The following PPP1R9B variants were observed in gnomAD, a reference collection of about 807,000 sequenced individuals.
The protein encoded by PPP1R9B is protein phosphatase 1 regulatory subunit 9B.
A neutral mutation model predicts 75.8 loss-of-function variants in PPP1R9B; 17 were observed. The ratio of observed to expected loss-of-function variants is 0.22; its 90% CI spans 0.15 to 0.34. The LOEUF (loss-of-function observed/expected upper bound fraction) is 0.34. Ranked by LOEUF, PPP1R9B falls within the 10% of genes least tolerant of loss-of-function variation. The pLI, the probability that PPP1R9B is intolerant of heterozygous loss-of-function variation, is 1.00. For synonymous variants in PPP1R9B, 509 were observed against 535.4 expected (o/e 0.95, Z 0.68); for missense variants, 875 against 1,196.0 (o/e 0.73, Z 3.96).
chr17:50,137,863 A>G (rs1912268951), intron 7 of PPP1R9B, among the ~76,000 whole-genome samples: 1 of 152,082 alleles, frequency 6.6e-6, no homozygotes, highest in South Asian at 2.1e-4. Flanking sequence ...TCCAAGCTCC[A>G]TGGAGCTCCT....
chr17:50,133,793 G>C lies in PPP1R9B; in HGVS notation c.*1538C>G, dbSNP rs995003346. The C allele has an allele frequency of 3.3e-5, 5 of 152,242 alleles. No individual in the cohort carries two copies. Among genetic ancestry groups the C allele is most frequent in the African/African-American group, 1.2e-4 (5 of 41,448 alleles). The allele number at this position is 152,242 out of a possible 1,614,324, so 9.4% of individuals were successfully genotyped here. Reference sequence around the variant, plus strand: ...CAGAGGGCATGGTCCGTACAAAACCGGGAACAATACATACATATATATATT... The same window carrying C: ...CAGAGGGCATGGTCCGTACAAAACCCGGAACAATACATACATATATATATT... On this transcript the variant is annotated 3_prime_UTR_variant, in exon 10 of 10. Coordinates refer to ENST00000612501, the MANE Select transcript of PPP1R9B (RefSeq NM_032595.5).
rs528652304 is a variant in PPP1R9B, at chr17:50,148,771, C to A, written c.1371+372G>T. 2.5e-4 allele frequency among the ~76,000 whole-genome samples: 38 copies of A among 152,360 alleles called. No individual in the cohort carries two copies. The East Asian group carries it at 6.9e-3, about 28-fold the overall frequency. ...AATGTCTCTCCTGAAGACACACACA[C>A]CCCTTCACACTACCCAACCCCAGCC... On this transcript the variant is annotated intron_variant, in intron 1 of 9. Transcript: ENST00000612501.
At position 50,145,162 on chromosome 17, in the gene PPP1R9B, C is replaced by T; in HGVS notation, c.1455G>A (p.Leu485=). The change falls in exon 2 of 10, where the codon CTG becomes CTA. Residue 485 remains leucine, a synonymous_variant. Coordinates refer to ENST00000612501, the MANE Select transcript of PPP1R9B (RefSeq NM_032595.5). Reference sequence around the variant, plus strand: ...GCTCCAACCTCTCCACACGCTTCTCCAGCTCGTACTCAGCAGAGGCTGCCA... The same window carrying T: ...GCTCCAACCTCTCCACACGCTTCTCTAGCTCGTACTCAGCAGAGGCTGCCA... ...DPMAASAEYE[L]EKRVERLELF... The T allele has an allele frequency of 1.2e-6, 2 of 1,614,044 alleles. No homozygotes were observed. Among genetic ancestry groups the T allele is most frequent in the Non-Finnish European group, 1.7e-6 (2 of 1,179,900 alleles).
chr17:50,139,822 C>A lies in PPP1R9B; in HGVS notation c.1867-241G>T, dbSNP rs961445606. Reference sequence around the variant, plus strand: ...TCAGCCTGGGTCTCTGAAGAAACAGCCTGTACTATCTTTCCCCTTCTGGAT... The same window carrying A: ...TCAGCCTGGGTCTCTGAAGAAACAGACTGTACTATCTTTCCCCTTCTGGAT... On this transcript the variant is annotated intron_variant, in intron 5 of 9. Coordinates refer to ENST00000612501, the MANE Select transcript of PPP1R9B (RefSeq NM_032595.5). This position sits in a 1 kb window ranked among gnomAD's most constrained non-coding sequence, Gnocchi z 5.0. Among the ~76,000 whole-genome samples, 12 of 152,206 alleles carry A rather than the reference C, an allele frequency of 7.9e-5. No homozygotes were observed. Among genetic ancestry groups the A allele is most frequent in the African/African-American group, 2.4e-4 (10 of 41,448 alleles).
Position 50,139,819 on chromosome 17 carries a change from C to G in PPP1R9B, c.1867-238G>C, listed in dbSNP as rs1159929402. 6.6e-6 allele frequency among the ~76,000 whole-genome samples: 1 copy of G among 152,222 alleles called. No homozygotes were observed. The highest frequency in any genetic ancestry group is 1.5e-5 in the Non-Finnish European group (1 of 68,036). ...TCATCAGCCTGGGTCTCTGAAGAAACAGCCTGTACTATCTTTCCCCTTCTG... is the reference window on the plus strand; with the variant it reads ...TCATCAGCCTGGGTCTCTGAAGAAAGAGCCTGTACTATCTTTCCCCTTCTG... On this transcript the variant is annotated intron_variant, in intron 5 of 9. Coordinates refer to ENST00000612501, the MANE Select transcript of PPP1R9B (RefSeq NM_032595.5). This position sits in a 1 kb window ranked among gnomAD's most constrained non-coding sequence, Gnocchi z 5.0.
chr17:50,143,412 T>C (rs1052050740), intron 3 of PPP1R9B, among the ~76,000 whole-genome samples, 186 bp downstream of exon 3: 12 of 152,158 alleles, frequency 7.9e-5, no homozygotes, highest in Non-Finnish European at 1.6e-4. Context: ...CAGTGCTCAC[T>C]GTTGTATTTC....
chr17:50,144,976 C>T, intron 2 of PPP1R9B, 137 bp downstream of exon 2: 2 of 1,137,490 alleles, frequency 1.8e-6, no homozygotes, highest in Admixed American at 2.5e-5. Context: ...GGGAAGGTCA[C>T]CAAGGGCCTG....
chr17:50,150,256 C>T lies in PPP1R9B; in HGVS notation c.258G>A (p.Ala86=). The part of the protein sequence containing the change: ...GGAGLAEAPR[A]SERGVRLSLP... Reference sequence around the variant, plus strand: ...GCGACAGGCGCACGCCGCGCTCGGACGCCCGTGGGGCCTCGGCCAGGCCCG... The same window carrying T: ...GCGACAGGCGCACGCCGCGCTCGGATGCCCGTGGGGCCTCGGCCAGGCCCG... Residue 86 remains alanine (A), a synonymous_variant, in exon 1 of 10, where the codon GCG becomes GCA. Transcript: ENST00000612501. This position sits in a 1 kb window ranked among gnomAD's most constrained non-coding sequence, Gnocchi z 8.7. 1 of 1,438,012 alleles carries T rather than the reference C, an allele frequency of 7.0e-7. No homozygotes were observed. Among genetic ancestry groups the T allele is most frequent in the Non-Finnish European group, 9.2e-7 (1 of 1,088,412 alleles). 89.1% of individuals were successfully genotyped at this position (1,438,012 alleles called of 1,614,324 possible).
At chr17:50,140,468 T>A (rs771401013) in intron 4 of PPP1R9B, 192 of 576,562 alleles carry the variant, frequency 3.3e-4, no homozygotes, top group Middle Eastern at 1.4e-3. Context: ...GGAGGGAGAA[T>A]GTCAGCCCAC....
chr17:50,150,482 C>T lies in PPP1R9B; in HGVS notation c.32G>A (p.Gly11Asp). ...GTGCGGGGAGGCGCTCCGGAGGGGA[C>T]CCCCGGGCCCCCGTGGCTCCGTCTT... is the stretch of plus-strand genomic sequence containing the variant. MMKTEPRGPG[G>D]PLRSASPHRS... Residue 11 changes from glycine to aspartate, a missense_variant, in exon 1 of 10, where the codon GGT becomes GAT. By Grantham distance (94) the Gly-to-Asp change is moderately conservative (BLOSUM62 -1). Coordinates refer to ENST00000612501, the MANE Select transcript of PPP1R9B (RefSeq NM_032595.5). This position sits in a 1 kb window ranked among gnomAD's most constrained non-coding sequence, Gnocchi z 8.7. 1.5e-6 allele frequency: 2 copies of T among 1,362,154 alleles called. No homozygotes were observed. Among genetic ancestry groups the T allele is most frequent in the Non-Finnish European group, 1.9e-6 (2 of 1,053,018 alleles). The allele number at this position is 1,362,154 out of a possible 1,614,324, so 84.4% of individuals were successfully genotyped here.
At chr17:50,146,783 A>G (rs1355108566) in intron 1 of PPP1R9B, among the ~76,000 whole-genome samples, 2 of 152,168 alleles carry the variant, frequency 1.3e-5, no homozygotes, top group Non-Finnish European at 2.9e-5. Context: ...CCAAGGTCAC[A>G]TGGGTTAAAC....
intron 1 of PPP1R9B, among the ~76,000 whole-genome samples, chr17:50,148,381 A>G (rs1355285129): frequency 6.6e-6 from 1 of 152,224 alleles, no homozygotes; most frequent in African/African-American, 2.4e-5. Flanking sequence ...CACTACTGCC[A>G]GGCACCCAGG....
At chr17:50,145,276 C>T (rs774595479) in intron 1 of PPP1R9B, 31 bp from the exon 2 acceptor site, 16 of 1,610,552 alleles carry the variant, frequency 9.9e-6, no homozygotes, top group East Asian at 6.7e-5. Flanking sequence ...TCAGAGAGGC[C>T]GGCAGGAGGA....
At position 50,134,180 on chromosome 17, in the gene PPP1R9B, C is replaced by T. The variant is rs1176635128; in HGVS notation, c.*1151G>A. On this transcript the variant is annotated 3_prime_UTR_variant, in exon 10 of 10. Coordinates refer to ENST00000612501, the MANE Select transcript of PPP1R9B (RefSeq NM_032595.5). ...GGACCTGGGGGAGGTGGTCTCACCT[C>T]CCTTGGTCCAAGCCCCAATTTGGGG... 6.6e-6 allele frequency: 1 copy of T among 152,596 alleles called. No homozygotes were observed. Among genetic ancestry groups the T allele is most frequent in the Non-Finnish European group, 1.5e-5 (1 of 68,028 alleles). The allele number at this position is 152,596 out of a possible 1,614,324, so 9.5% of individuals were successfully genotyped here.
intron 1 of PPP1R9B, among the ~76,000 whole-genome samples, chr17:50,145,779 G>C (rs1731376079): frequency 6.6e-6 from 1 of 152,028 alleles, no homozygotes; most frequent in South Asian, 2.1e-4. Context: ...GGGAGCAGGA[G>C]GGGTGGAAGG....
rs1184831160 is a variant in PPP1R9B at position 50,133,982 on chromosome 17, C to CTG, written c.*1347_*1348dup. ...GCTCCTTCAGGGGATGGGGGCACATCTGGGGATAGGAAGGGGTGGGGACAA... is the reference window on the plus strand; with the variant it reads ...GCTCCTTCAGGGGATGGGGGCACATCTGTGGGGATAGGAAGGGGTGGGGACAA... On this transcript the variant is annotated 3_prime_UTR_variant, in exon 10 of 10. Coordinates refer to ENST00000612501, the MANE Select transcript of PPP1R9B (RefSeq NM_032595.5). 6.6e-6 allele frequency: 1 copy of CTG among 152,528 alleles called. No homozygotes were observed. Among genetic ancestry groups the CTG allele is most frequent in the Non-Finnish European group, 1.5e-5 (1 of 68,024 alleles). The allele number at this position is 152,528 out of a possible 1,614,324, so 9.4% of individuals were successfully genotyped here. A position where few individuals can be genotyped will look rare whatever the true frequency, so the allele number is the denominator to read the frequency against.
At chr17:50,136,906 G>A (rs1226780380) in intron 7 of PPP1R9B, among the ~76,000 whole-genome samples, 3 of 152,066 alleles carry the variant, frequency 2.0e-5, no homozygotes, top group South Asian at 2.1e-4. Context: ...CCAGGCCCCC[G>A]CAGCTGCACA....
chr17:50,150,590 C>A lies in PPP1R9B; in HGVS notation c.-77G>T. On this transcript the variant is annotated 5_prime_UTR_variant, in exon 1 of 10. Transcript: ENST00000612501. The surrounding 1 kb of genome is among the most constrained non-coding windows in gnomAD (Gnocchi z 8.7). Reference sequence around the variant, plus strand: ...CAGGCGGCTGGCCAAGTCGGGACCACCGCCCCCTCCCCCCGATAAAAGAAA... The same window carrying A: ...CAGGCGGCTGGCCAAGTCGGGACCAACGCCCCCTCCCCCCGATAAAAGAAA... The A allele has an allele frequency of 8.0e-7, 1 of 1,244,706 alleles. No individual in the cohort carries two copies. Among genetic ancestry groups the A allele is most frequent in the Non-Finnish European group, 1.0e-6 (1 of 993,520 alleles). 77.1% of individuals were successfully genotyped at this position (1,244,706 alleles called of 1,614,324 possible).
In PPP1R9B at chr17:50,134,360, T is replaced by A. The variant is rs1446606769; in HGVS notation, c.*971A>T. 1.3e-5 allele frequency: 2 copies of A among 152,758 alleles called. No individual in the cohort carries two copies. Among genetic ancestry groups the A allele is most frequent in the Non-Finnish European group, 2.9e-5 (2 of 68,120 alleles). 9.5% of individuals were successfully genotyped at this position (152,758 alleles called of 1,614,324 possible). A position where few individuals can be genotyped will look rare whatever the true frequency, so the allele number is the denominator to read the frequency against. On this transcript the variant is annotated 3_prime_UTR_variant, in exon 10 of 10. Coordinates refer to ENST00000612501, the MANE Select transcript of PPP1R9B (RefSeq NM_032595.5). ...TGGGGGCGAGGCTGACTCCCTGCAATGTCAGTAGGCTTCCAGGCATCGCCC... is the reference window on the plus strand; with the variant it reads ...TGGGGGCGAGGCTGACTCCCTGCAAAGTCAGTAGGCTTCCAGGCATCGCCC...
Sources: allele counts gnomAD v4.1 joint callset (sites outside exome capture counted in the v4.1 genomes callset), GRCh38; gene constraint gnomAD v4.1.1; non-coding constraint Gnocchi (gnomAD v3.1); transcripts MANE v1.5; gene names NCBI Gene and HGNC (gene_info 2026-07-23, HGNC 2026-07-21).